IPO9: variants seen among roughly 807,000 people sequenced by gnomAD.
The protein encoded by IPO9 is importin-9.
IPO9 carries 28 observed loss-of-function variants against 128.6 expected under a neutral mutation model. That is an observed-to-expected ratio of 0.22 (90% CI 0.16 to 0.30). The LOEUF is 0.30. Ranked by LOEUF, IPO9 falls within the 10% of genes least tolerant of loss-of-function variation. The pLI is 1.00. For missense variants in IPO9, 935 were observed against 1,293.9 expected, an observed-to-expected ratio of 0.72 and a Z score of 4.26; for synonymous variants, 455 against 475.8, an observed-to-expected ratio of 0.96 and a Z score of 0.57.
chr1:201,872,998 T>G, intron 20 of IPO9, 37 bp downstream of exon 20: 1 of 1,590,848 alleles, frequency 6.3e-7, no homozygotes, highest in Non-Finnish European at 8.6e-7. Context: ...CCTCTCCCTA[T>G]ACGAAGGGGC....
intron 20 of IPO9, among the ~76,000 whole-genome samples, chr1:201,873,932 C>T (rs977848039): frequency 3.9e-5 from 6 of 152,106 alleles, no homozygotes; most frequent in Admixed American, 1.3e-4. Flanking sequence ...TAATTACCTC[C>T]GCTGTCTCTC....
chr1:201,860,806 C>T (rs1176027646), intron 13 of IPO9, among the ~76,000 whole-genome samples: 1 of 152,164 alleles, frequency 6.6e-6, no homozygotes, highest in Non-Finnish European at 1.5e-5. Flanking sequence ...ATGTTTTCCC[C>T]TGGCTGTCAG....
At chr1:201,838,731 C>CATA (rs1170070664) in intron 1 of IPO9, among the ~76,000 whole-genome samples, 1 of 151,502 alleles carries the variant, frequency 6.6e-6, no homozygotes, top group African/African-American at 2.4e-5. Flanking sequence ...AGCTTAAAGG[C>CATA]ATAATAAGAA....
intron 4 of IPO9, among the ~76,000 whole-genome samples, chr1:201,850,140 G>C (rs1407848525): frequency 6.6e-6 from 1 of 152,218 alleles, no homozygotes; most frequent in East Asian, 1.9e-4. Context: ...ACTGTTCAGT[G>C]AGATCACTTT....
At chr1:201,854,299 G>T (rs1385595125) in intron 6 of IPO9, among the ~76,000 whole-genome samples, 1 of 152,170 alleles carries the variant, frequency 6.6e-6, no homozygotes, top group Non-Finnish European at 1.5e-5. Flanking sequence ...TGGCCCTCTT[G>T]TGTGAAGCAA....
intron 20 of IPO9, among the ~76,000 whole-genome samples, chr1:201,873,570 A>T (rs1680701419): frequency 6.6e-6 from 1 of 150,838 alleles, no homozygotes; most frequent in Non-Finnish European, 1.5e-5. Flanking sequence ...CAACATAGAG[A>T]AACCCCGTCT....
chr1:201,864,455 A>C (rs1261373195), intron 14 of IPO9, among the ~76,000 whole-genome samples: 1 of 152,218 alleles, frequency 6.6e-6, no homozygotes, highest in East Asian at 1.9e-4. Flanking sequence ...TAAATGTCTG[A>C]GAAGAGAGAG....
rs781307264 is a variant in IPO9 at position 201,876,147 on chromosome 1, T to C, written c.*93T>C. 12 of 889,456 alleles carry C rather than the reference T, an allele frequency of 1.3e-5. No homozygotes were observed. The African/African-American group carries it at 1.8e-4, about 13-fold the overall frequency. 55.1% of individuals were successfully genotyped at this position (889,456 alleles called of 1,614,324 possible). On this transcript the variant is annotated 3_prime_UTR_variant, in exon 24 of 24. Coordinates refer to ENST00000361565, the MANE Select transcript of IPO9 (RefSeq NM_018085.5). ...CTTGAGATGCACTTTCTTCTCAACC[T>C]AAAGTGGCATCTTGACCCTTGGCCC...
At chr1:201,842,045 A>T (rs886474857) in intron 1 of IPO9, among the ~76,000 whole-genome samples, 1 of 152,074 alleles carries the variant, frequency 6.6e-6, no homozygotes, top group East Asian at 1.9e-4. Context: ...CAACCTGTCT[A>T]CCTGGAGATA....
intron 4 of IPO9, chr1:201,850,325 C>G (rs1680191530): frequency 6.6e-6 from 1 of 152,166 alleles, no homozygotes; most frequent in African/African-American, 2.4e-5. Flanking sequence ...ATGAAGATAG[C>G]AGGACATTGG....
At chr1:201,851,059 A>G (rs957567496) in intron 4 of IPO9, among the ~76,000 whole-genome samples, 2 of 152,062 alleles carry the variant, frequency 1.3e-5, no homozygotes, top group Non-Finnish European at 2.9e-5. Flanking sequence ...TCTGTCACCC[A>G]GGCTCAGGTA....
At chr1:201,852,832 T>C (rs1233942027) in intron 5 of IPO9, among the ~76,000 whole-genome samples, 179 bp from the exon 6 acceptor site, 1 of 152,164 alleles carries the variant, frequency 6.6e-6, no homozygotes, top group African/African-American at 2.4e-5. Flanking sequence ...TACCTTTCAT[T>C]CTCTGAATTA....
In IPO9 at chr1:201,847,013, G is replaced by A. The variant is rs557658744; in HGVS notation, c.164-266G>A. Among the ~76,000 whole-genome samples, 7 of 152,334 alleles carry A rather than the reference G, an allele frequency of 4.6e-5. No individual in the cohort carries two copies. The South Asian group carries it at 8.3e-4, about 18-fold the overall frequency. On this transcript the variant is annotated intron_variant, in intron 1 of 23. Transcript: ENST00000361565. ...TTAATTGGTCTAAGAGGAAGGTGTT[G>A]TCATCTTGGAAGAGAAGATGGCTGG...
intron 4 of IPO9, among the ~76,000 whole-genome samples, chr1:201,850,245 C>A (rs1680190335): frequency 1.3e-5 from 2 of 152,162 alleles, no homozygotes; most frequent in Admixed American, 6.6e-5. Context: ...AAGCCCCATT[C>A]CCAAATACTT....
rs543067702 is a variant in IPO9 at position 201,840,448 on chromosome 1, A to G, written c.164-6831A>G. On this transcript the variant is annotated intron_variant, in intron 1 of 23. Coordinates refer to ENST00000361565, the MANE Select transcript of IPO9 (RefSeq NM_018085.5). Reference sequence around the variant, plus strand: ...CCTATGTATTGCTGGTAGGAGTACAAATTGGTGCAATCCTTCTGAAGGAAA... The same window carrying G: ...CCTATGTATTGCTGGTAGGAGTACAGATTGGTGCAATCCTTCTGAAGGAAA... Among the ~76,000 whole-genome samples the G allele has an allele frequency of 7.8e-4, 119 of 152,316 alleles. 1 individual carries two copies. In the South Asian group the frequency reaches 0.024, roughly 31 times the overall value.
At chr1:201,856,850 T>C (rs566768854) in intron 10 of IPO9, among the ~76,000 whole-genome samples, 58 of 152,140 alleles carry the variant, frequency 3.8e-4, no homozygotes, top group African/African-American at 1.3e-3. Flanking sequence ...CCATGCCCAG[T>C]TGACTTTTTT....
chr1:201,861,824 T>A (rs922196989), intron 13 of IPO9, among the ~76,000 whole-genome samples: 5 of 152,168 alleles, frequency 3.3e-5, no homozygotes, highest in Non-Finnish European at 7.4e-5. Context: ...ACGAAATATA[T>A]AACATGTAAG....
rs374424727 is a variant in IPO9, at chr1:201,876,094, C to T, written c.*40C>T. 22 of 1,361,846 alleles carry T rather than the reference C, an allele frequency of 1.6e-5. No individual in the cohort carries two copies. The African/African-American group carries it at 1.7e-4, about 11-fold the overall frequency. 84.4% of individuals were successfully genotyped at this position (1,361,846 alleles called of 1,614,324 possible). On this transcript the variant is annotated 3_prime_UTR_variant, in exon 24 of 24. Transcript: ENST00000361565. ...CTACATTTGCTCCTTCTGGGCCAGC[C>T]GCAAACCATTTTGCAGCCCTCACTG...
intron 11 of IPO9, 130 bp from the exon 12 acceptor site, chr1:201,858,317 A>G: frequency 2.0e-6 from 1 of 494,766 alleles, no homozygotes; most frequent in East Asian, 3.1e-5. Context: ...TTTTTAATAC[A>G]ATTAGGGGTT....
Sources: allele counts gnomAD v4.1 joint callset (sites outside exome capture counted in the v4.1 genomes callset), GRCh38; gene constraint gnomAD v4.1.1; transcripts MANE v1.5; gene names NCBI Gene and HGNC (gene_info 2026-07-23, HGNC 2026-07-21).